The following KMT2C variants were observed in gnomAD, a reference collection of about 807,000 sequenced individuals.
The protein encoded by KMT2C is lysine methyltransferase 2C.
In KMT2C, 88 loss-of-function variants were observed where a neutral mutation model predicts 507.9. The observed-to-expected ratio is 0.17, with a 90% CI of 0.15 to 0.21. The LOEUF (loss-of-function observed/expected upper bound fraction) is 0.21, where lower values mean the gene tolerates loss of function less well. KMT2C is among the 10% of genes least tolerant of loss of function. KMT2C has a pLI of 1.00. For synonymous variants in KMT2C, 2,049 were observed against 2,080.8 expected, an observed-to-expected ratio of 0.98 and a Z score of 0.42; for missense variants, 4,954 against 5,957.8, an observed-to-expected ratio of 0.83 and a Z score of 5.55.
intron 18 of KMT2C, among the ~76,000 whole-genome samples, chr7:152,229,303 T>C (rs1465423781): frequency 2.7e-5 from 4 of 149,756 alleles, no homozygotes; most frequent in Non-Finnish European, 3.0e-5. Flanking sequence ...TAAGACTGAG[T>C]TCTTAAAAAG....
intron 6 of KMT2C, among the ~76,000 whole-genome samples, chr7:152,297,012 A>G (rs544749106): frequency 1.2e-5 from 1 of 85,530 alleles, no homozygotes; most frequent in South Asian, 4.3e-4. Flanking sequence ...AAAGAAAGAA[A>G]GAAAGAAAGA....
chr7:152,211,787 G>C (rs1212555023), intron 23 of KMT2C, among the ~76,000 whole-genome samples: 1 of 152,218 alleles, frequency 6.6e-6, no homozygotes, highest in Admixed American at 6.5e-5. Context: ...GGTGGCTCAT[G>C]CCTGTAATCC....
At chr7:152,245,112 T>G (rs1467012984) in intron 14 of KMT2C, among the ~76,000 whole-genome samples, 1 of 152,242 alleles carries the variant, frequency 6.6e-6, no homozygotes, top group Non-Finnish European at 1.5e-5. Flanking sequence ...GAAAGATTTG[T>G]TGCAGCAACA....
At chr7:152,340,579 A>G (rs114717045) in intron 2 of KMT2C, among the ~76,000 whole-genome samples, 49 of 152,312 alleles carry the variant, frequency 3.2e-4, no homozygotes, top group African/African-American at 1.1e-3. Flanking sequence ...TTTATTCACT[A>G]AACTACTTAA....
At chr7:152,245,351 C>T (rs189085670) in intron 14 of KMT2C, among the ~76,000 whole-genome samples, 147 of 152,222 alleles carry the variant, frequency 9.7e-4, no homozygotes, top group African/African-American at 3.3e-3. Context: ...CATATGTGAC[C>T]ACTGAGCACT....
In KMT2C at chr7:152,296,166, C is replaced by T. The variant is rs979077008; in HGVS notation, c.849+13800G>A. 6.6e-5 allele frequency among the ~76,000 whole-genome samples: 10 copies of T among 150,962 alleles called. No homozygotes were observed. In the East Asian group the frequency reaches 1.4e-3, roughly 21 times the overall value. On this transcript the variant is annotated intron_variant, in intron 6 of 58. Coordinates refer to ENST00000262189, the MANE Select transcript of KMT2C (RefSeq NM_170606.3). ...GCCAGGGGCAGGGCGTGGTGGCTCA[C>T]GCTTATAATCCTAGCACTTTGGGAG...
At chr7:152,384,070 G>A (rs540431049) in intron 1 of KMT2C, among the ~76,000 whole-genome samples, 8 of 151,886 alleles carry the variant, frequency 5.3e-5, no homozygotes, top group South Asian at 2.1e-4. Flanking sequence ...GTGTGTAGGC[G>A]CGTGTGCATG....
At chr7:152,201,330 A>G (rs1479346225) in intron 26 of KMT2C, among the ~76,000 whole-genome samples, 1 of 150,068 alleles carries the variant, frequency 6.7e-6, no homozygotes, top group South Asian at 2.1e-4. Context: ...ACACACACAC[A>G]CGCTGAAAGT....
chr7:152,425,253 CA>C (rs1292254115), intron 1 of KMT2C, among the ~76,000 whole-genome samples: 1 of 152,080 alleles, frequency 6.6e-6, no homozygotes, highest in Non-Finnish European at 1.5e-5. Flanking sequence ...TAATATTCTA[CA>C]ACTCTATAAG....
chr7:152,252,208 A>G, intron 10 of KMT2C, 118 bp from the exon 11 acceptor site: 1 of 707,760 alleles, frequency 1.4e-6, no homozygotes. Flanking sequence ...GAGAGGAGAG[A>G]GGTTAGAGGA....
At position 152,250,931 on chromosome 7, in the gene KMT2C, C is replaced by A. The variant is rs1277470476; in HGVS notation, c.1657G>T (p.Asp553Tyr). The A allele has an allele frequency of 6.2e-7, 1 of 1,606,918 alleles. No homozygotes were observed. The highest frequency in any genetic ancestry group is 8.5e-7 in the Non-Finnish European group (1 of 1,173,772). The stretch of plus-strand genomic sequence containing the variant: ...GCCTGCTCTGAGAATACCATTTGAT[C>A]TTCAGGGCCTTCAACTTCCATTTCA... ...NNEMEVEGPE[D>Y]QMVFSEQAAN... The change falls in exon 12 of 59, where the codon GAT becomes TAT. Residue 553 changes from aspartate to tyrosine, a missense_variant. Physicochemically the swap from Asp to Tyr is radical, Grantham distance 160. Coordinates refer to ENST00000262189, the MANE Select transcript of KMT2C (RefSeq NM_170606.3).
intron 6 of KMT2C, among the ~76,000 whole-genome samples, chr7:152,294,816 TC>T (rs1170829052): frequency 2.0e-5 from 3 of 152,210 alleles, no homozygotes; most frequent in African/African-American, 7.2e-5. Context: ...CTACTATACT[TC>T]CTGTAACTTA....
At chr7:152,255,389 C>T (rs1000174997) in intron 9 of KMT2C, among the ~76,000 whole-genome samples, 1 of 151,748 alleles carries the variant, frequency 6.6e-6, no homozygotes, top group South Asian at 2.1e-4. Flanking sequence ...TTGTCTCAAA[C>T]TCCTGAGCTC....
chr7:152,262,755 G>T (rs1223886874), intron 9 of KMT2C, among the ~76,000 whole-genome samples: 1 of 152,166 alleles, frequency 6.6e-6, no homozygotes, highest in Non-Finnish European at 1.5e-5. Context: ...AATCTATAGT[G>T]AAAAAGCAGA....
At chr7:152,243,190 A>T (rs1305518253) in intron 14 of KMT2C, among the ~76,000 whole-genome samples, 2 of 152,208 alleles carry the variant, frequency 1.3e-5, no homozygotes, top group Non-Finnish European at 2.9e-5. Flanking sequence ...AGCTATTATC[A>T]GCTTTAGCCT....
rs2129114019 is a variant in KMT2C at position 152,176,993 on chromosome 7, A to G, written c.8460T>C (p.Asn2820=). The change falls in exon 38 of 59, where the codon AAT becomes AAC. Residue 2820 remains asparagine, a synonymous_variant. Coordinates refer to ENST00000262189, the MANE Select transcript of KMT2C (RefSeq NM_170606.3). ...GAGACAGTACTTCCGTTTTTACCTCATTGGTAACAGTGGATTTTTTCTGTG... is the reference window on the plus strand; with the variant it reads ...GAGACAGTACTTCCGTTTTTACCTCGTTGGTAACAGTGGATTTTTTCTGTG... ...HSPQKKSTVT[N]EVKTEVLSPN... 1 of 1,613,790 alleles carries G rather than the reference A, an allele frequency of 6.2e-7. No homozygotes were observed. Among genetic ancestry groups the G allele is most frequent in the Admixed American group, 1.7e-5 (1 of 60,000 alleles).
intron 2 of KMT2C, among the ~76,000 whole-genome samples, chr7:152,339,503 A>T (rs1017851402): frequency 1.3e-5 from 2 of 152,248 alleles, no homozygotes; most frequent in East Asian, 3.8e-4. Context: ...AAAAGATGTT[A>T]TAAGATTACA....
intron 39 of KMT2C, among the ~76,000 whole-genome samples, chr7:152,172,930 T>C (rs531809574): frequency 5.9e-5 from 9 of 152,310 alleles, no homozygotes; most frequent in African/African-American, 2.2e-4. Context: ...AATTTAATTA[T>C]ATTTTAATAA....
chr7:152,311,999 C>G, intron 4 of KMT2C, 53 bp from the exon 5 acceptor site: 1 of 1,432,144 alleles, frequency 7.0e-7, no homozygotes. Context: ...AAAATTGTTT[C>G]ATTTTTAACT....
Sources: gnomAD v4.1 joint callset for allele counts (sites outside exome capture counted in the v4.1 genomes callset) on GRCh38, gnomAD v4.1.1 for gene constraint, MANE v1.5 for transcripts, NCBI Gene and HGNC (gene_info 2026-07-23, HGNC 2026-07-21) for gene names.